The following KHDRBS3 variants were observed in gnomAD, a reference collection of about 807,000 sequenced individuals.
The protein encoded by KHDRBS3 is KH RNA binding domain containing, signal transduction associated 3, also known as KH domain-containing, RNA-binding, signal transduction-associated protein 3.
A neutral mutation model predicts 45.6 loss-of-function variants in KHDRBS3; 23 were observed. That is an observed-to-expected ratio of 0.50 (90% CI 0.36 to 0.72). KHDRBS3 has a LOEUF of 0.72. KHDRBS3 is among the 30% of genes least tolerant of loss of function. The pLI is 0.00. For synonymous variants in KHDRBS3, 162 were observed against 156.5 expected (o/e 1.04, Z -0.26); for missense variants, 352 against 424.8 (o/e 0.83, Z 1.51).
intron 6 of KHDRBS3, among the ~76,000 whole-genome samples, chr8:135,597,458 C>G (rs1007261599): frequency 1.3e-5 from 2 of 152,136 alleles, no homozygotes; most frequent in Non-Finnish European, 2.9e-5. Context: ...CCCTAGTCCC[C>G]TAAAATCCAT....
At chr8:135,596,253 A>G (rs901363447) in intron 6 of KHDRBS3, among the ~76,000 whole-genome samples, 7 of 152,190 alleles carry the variant, frequency 4.6e-5, no homozygotes, top group African/African-American at 1.4e-4. Flanking sequence ...CTGGTGAGAA[A>G]GACTGCAATG....
chr8:135,652,813 C>A (rs1271878081), intron 4 of KHDRBS3, among the ~76,000 whole-genome samples: 3 of 152,158 alleles, frequency 2.0e-5, no homozygotes, highest in Admixed American at 6.5e-5. Flanking sequence ...CCTTTCCTCC[C>A]ACCAGATTGT....
chr8:135,637,202 C>T (rs1586843067), intron 7 of KHDRBS3, among the ~76,000 whole-genome samples: 1 of 152,158 alleles, frequency 6.6e-6, no homozygotes, highest in African/African-American at 2.4e-5. Flanking sequence ...ATTTTTTAGT[C>T]ATTTACCTTA....
intron 6 of KHDRBS3, among the ~76,000 whole-genome samples, chr8:135,596,892 C>G (rs1586778624): frequency 1.3e-5 from 2 of 152,274 alleles, no homozygotes; most frequent in Non-Finnish European, 2.9e-5. Flanking sequence ...CACAAAGTCT[C>G]TCATGTCCAC....
chr8:135,518,985 T>C (rs1038464462), intron 1 of KHDRBS3, among the ~76,000 whole-genome samples: 2 of 152,238 alleles, frequency 1.3e-5, no homozygotes, highest in Non-Finnish European at 2.9e-5. Context: ...TCTATTTCTG[T>C]GTATATTTTT....
At chr8:135,490,251 G>T (rs1381425082) in intron 1 of KHDRBS3, among the ~76,000 whole-genome samples, 2 of 152,202 alleles carry the variant, frequency 1.3e-5, no homozygotes, top group African/African-American at 2.4e-5. Context: ...TGTTACCAGT[G>T]TGGATCTTCC....
intron 7 of KHDRBS3, among the ~76,000 whole-genome samples, chr8:135,615,127 C>G (rs528651348): frequency 1.3e-5 from 2 of 151,738 alleles, no homozygotes; most frequent in Admixed American, 1.3e-4. Flanking sequence ...TCATGGGTGG[C>G]GTGTTCTTGC....
At chr8:135,620,070 CTTTT>C (rs750819164) in intron 7 of KHDRBS3, among the ~76,000 whole-genome samples, 1 of 136,892 alleles carries the variant, frequency 7.3e-6, no homozygotes, top group Non-Finnish European at 1.6e-5. Context: ...TTAGCAAGGC[CTTTT>C]TTTTTTTTTT....
chr8:135,604,402 C>A (rs1033814818), intron 6 of KHDRBS3, among the ~76,000 whole-genome samples: 1 of 151,888 alleles, frequency 6.6e-6, no homozygotes, highest in Non-Finnish European at 1.5e-5. Context: ...TGTGTTTAAT[C>A]CATTTACACT....
intron 1 of KHDRBS3, among the ~76,000 whole-genome samples, chr8:135,506,925 G>T (rs376517802): frequency 6.6e-6 from 1 of 151,756 alleles, no homozygotes; most frequent in South Asian, 2.1e-4. Context: ...CATTTATCCT[G>T]TAGGATAAAC....
At chr8:135,612,775 C>T (rs1189612987) in intron 7 of KHDRBS3, among the ~76,000 whole-genome samples, 1 of 151,698 alleles carries the variant, frequency 6.6e-6, no homozygotes, top group Non-Finnish European at 1.5e-5. Flanking sequence ...CTGCTCAGTC[C>T]CCCATGGCAG....
intron 4 of KHDRBS3, among the ~76,000 whole-genome samples, chr8:135,553,782 G>A (rs1738435423): frequency 6.6e-6 from 1 of 152,114 alleles, no homozygotes; most frequent in South Asian, 2.1e-4. Context: ...GTCAAGTCCT[G>A]CTTACACATA....
chr8:135,466,472 A>G (rs756485747), intron 1 of KHDRBS3, among the ~76,000 whole-genome samples: 2 of 152,226 alleles, frequency 1.3e-5, no homozygotes, highest in Non-Finnish European at 2.9e-5. Flanking sequence ...AGCTTTTGTC[A>G]AATAACTTGT....
intron 1 of KHDRBS3, among the ~76,000 whole-genome samples, chr8:135,482,421 G>A (rs544393112): frequency 1.9e-4 from 29 of 152,038 alleles, no homozygotes; most frequent in Non-Finnish European, 3.5e-4. Flanking sequence ...GCCTTAGTAC[G>A]TAAGAAAAGA....
chr8:135,612,924 C>A (rs1308394845), intron 7 of KHDRBS3, among the ~76,000 whole-genome samples: 1 of 151,694 alleles, frequency 6.6e-6, no homozygotes, highest in Non-Finnish European at 1.5e-5. Flanking sequence ...ATTAATTTCA[C>A]CTATTTCTTT....
chr8:135,502,132 G>A (rs1823766955), intron 1 of KHDRBS3, among the ~76,000 whole-genome samples: 1 of 152,164 alleles, frequency 6.6e-6, no homozygotes, highest in Non-Finnish European at 1.5e-5. Flanking sequence ...ACAGGGCATT[G>A]CCATTAGGTG....
chr8:135,615,309 A>G (rs567648069), intron 7 of KHDRBS3, among the ~76,000 whole-genome samples: 2 of 149,058 alleles, frequency 1.3e-5, no homozygotes, highest in East Asian at 1.9e-4. Context: ...TAGCATGTGT[A>G]AGTATTGCTG....
intron 6 of KHDRBS3, among the ~76,000 whole-genome samples, chr8:135,606,274 A>G (rs974395023): frequency 1.3e-5 from 2 of 151,980 alleles, no homozygotes; most frequent in African/African-American, 4.8e-5. Flanking sequence ...ATTGCCAGGA[A>G]TAATTCAGAG....
intron 8 of KHDRBS3, among the ~76,000 whole-genome samples, chr8:135,645,959 C>T (rs1831266221): frequency 6.8e-6 from 1 of 146,106 alleles, no homozygotes; most frequent in Non-Finnish European, 1.5e-5. Flanking sequence ...TTTGTTGTAT[C>T]ACCTGCCTGA....
Sources: allele counts gnomAD v4.1 joint callset (sites outside exome capture counted in the v4.1 genomes callset), GRCh38; gene constraint gnomAD v4.1.1; transcripts MANE v1.5; gene names NCBI Gene and HGNC (gene_info 2026-07-23, HGNC 2026-07-21).